NEURL1: variants seen among roughly 807,000 people sequenced by gnomAD.
The protein encoded by NEURL1 is neuralized E3 ubiquitin protein ligase 1.
A neutral mutation model predicts 41.2 loss-of-function variants in NEURL1; 26 were observed. That is an observed-to-expected ratio of 0.63 (90% CI 0.46 to 0.87). The LOEUF (loss-of-function observed/expected upper bound fraction) is 0.87. Among genes scored for constraint, NEURL1 ranks in the 40% least tolerant of loss-of-function variants. The pLI is 0.00. For synonymous variants in NEURL1, 400 were observed against 402.3 expected (o/e 0.99, Z 0.07); for missense variants, 761 against 871.1 (o/e 0.87, Z 1.59).
intron 1 of NEURL1, among the ~76,000 whole-genome samples, chr10:103,518,233 TA>T (rs34821304): frequency 6.6e-6 from 1 of 151,244 alleles, no homozygotes; most frequent in Non-Finnish European, 1.5e-5. Context: ...TACCATGATT[TA>T]AAAAAAAAGT....
rs1228630032 is a variant in NEURL1 at position 103,583,705 on chromosome 10, CAAAAAAAAA to C, written c.650-812_650-804del. Among the ~76,000 whole-genome samples the C allele has an allele frequency of 2.6e-4, 5 of 19,560 alleles. 1 individual carries two copies. The East Asian group carries it at 6.1e-3, about 24-fold the overall frequency. 12.8% of individuals were successfully genotyped at this position (19,560 alleles called of 152,430 possible). On this transcript the variant is annotated intron_variant, in intron 3 of 5. Transcript: ENST00000369780. ...TGGGCCACAGAGCAAGATCCTGTCT[CAAAAAAAAA>C]AAAAAAAAAAAAAAAAAAGCCAAAC... is the stretch of plus-strand genomic sequence containing the variant.
rs568470360 is a variant in NEURL1 at position 103,499,140 on chromosome 10, C to T, written c.85+4668C>T. ...CTGGTTGTGACAGTTGTAGGAAGGC[C>T]GTCCCCCTCCAGCTCTGGCTGGGTG... On this transcript the variant is annotated intron_variant, in intron 1 of 5. Coordinates refer to ENST00000369780, the MANE Select transcript of NEURL1 (RefSeq NM_004210.5). Among the ~76,000 whole-genome samples, 323 of 152,300 alleles carry T rather than the reference C, an allele frequency of 2.1e-3. 1 individual carries two copies. Among genetic ancestry groups the T allele is most frequent in the Non-Finnish European group, 3.6e-3 (246 of 68,020 alleles).
In NEURL1 at chr10:103,501,488, GA is replaced by G. The variant is rs899994490; in HGVS notation, c.85+7025del. Among the ~76,000 whole-genome samples the G allele has an allele frequency of 4.8e-4, 72 of 148,518 alleles. No homozygotes were observed. In the East Asian group the frequency reaches 0.013, roughly 27 times the overall value. ...CAGCAGGACCACTGCTCATAGGCAG[GA>G]AAAAAAAACAACAAAAACCAGCAAT... On this transcript the variant is annotated intron_variant, in intron 1 of 5. Coordinates refer to ENST00000369780, the MANE Select transcript of NEURL1 (RefSeq NM_004210.5).
At chr10:103,519,968 A>G (rs1001551921) in intron 1 of NEURL1, among the ~76,000 whole-genome samples, 3 of 151,836 alleles carry the variant, frequency 2.0e-5, no homozygotes, top group African/African-American at 7.3e-5. Context: ...AATTTTTTTT[A>G]GAGATGGGTC....
chr10:103,536,938 C>T (rs2034705825), intron 1 of NEURL1, among the ~76,000 whole-genome samples: 1 of 152,156 alleles, frequency 6.6e-6, no homozygotes, highest in Non-Finnish European at 1.5e-5. Flanking sequence ...TGCCCTCAAC[C>T]CCAGGCAAGC....
chr10:103,568,382 G>A (rs1031896155), intron 1 of NEURL1, among the ~76,000 whole-genome samples: 4 of 152,084 alleles, frequency 2.6e-5, no homozygotes, highest in Admixed American at 1.3e-4. Context: ...GTTACCCAGG[G>A]CCCCAGGACG....
Position 103,584,483 on chromosome 10 carries a change from C to T in NEURL1, c.650-53C>T, listed in dbSNP as rs1474309401. ...GTAGGGACCGGACAGCGGGGCGCGC[C>T]GGGGCCGCCTCCCGAGAGCCCTGCG... On this transcript the variant is annotated intron_variant, in intron 3 of 5. Transcript: ENST00000369780. The T allele has an allele frequency of 4.9e-6, 6 of 1,217,598 alleles. No homozygotes were observed. In the African/African-American group the frequency reaches 7.9e-5, roughly 16 times the overall value. 75.4% of individuals were successfully genotyped at this position (1,217,598 alleles called of 1,614,324 possible). A position where few individuals can be genotyped will look rare whatever the true frequency, so the allele number is the denominator to read the frequency against.
intron 3 of NEURL1, among the ~76,000 whole-genome samples, chr10:103,576,306 G>A (rs1346926388): frequency 1.4e-5 from 2 of 147,582 alleles, no homozygotes; most frequent in African/African-American, 4.8e-5. Context: ...GAACAATTTA[G>A]GTCAGACAGG....
Position 103,529,264 on chromosome 10 carries a change from A to C in NEURL1, c.85+34792A>C, listed in dbSNP as rs2034522913. Reference sequence around the variant, plus strand: ...CACCTTTTAAAATTGCCTTTGATGGATCTTTGTTCGATAAGGAATCATGGA... The same window carrying C: ...CACCTTTTAAAATTGCCTTTGATGGCTCTTTGTTCGATAAGGAATCATGGA... On this transcript the variant is annotated intron_variant, in intron 1 of 5. Transcript: ENST00000369780. Among the ~76,000 whole-genome samples, 3 of 152,140 alleles carry C rather than the reference A, an allele frequency of 2.0e-5. No individual in the cohort carries two copies. In the South Asian group the frequency reaches 6.2e-4, roughly 32 times the overall value.
intron 1 of NEURL1, among the ~76,000 whole-genome samples, chr10:103,498,833 T>C (rs2033753291): frequency 6.6e-6 from 1 of 152,254 alleles, no homozygotes; most frequent in Non-Finnish European, 1.5e-5. Context: ...CTTAGCATAA[T>C]CTTTTCAAGT....
At chr10:103,553,876 C>T (rs1280511978) in intron 1 of NEURL1, among the ~76,000 whole-genome samples, 1 of 152,222 alleles carries the variant, frequency 6.6e-6, no homozygotes, top group Non-Finnish European at 1.5e-5. Context: ...CAGGCCAGGG[C>T]CAGGGAGGAT....
chr10:103,578,231 C>G (rs1332215053), intron 3 of NEURL1, among the ~76,000 whole-genome samples: 1 of 152,162 alleles, frequency 6.6e-6, no homozygotes, highest in Non-Finnish European at 1.5e-5. Context: ...AAGGCATTTA[C>G]ACAAATGAGA....
intron 3 of NEURL1, 121 bp from the exon 4 acceptor site, chr10:103,584,415 A>C: frequency 1.9e-6 from 1 of 526,788 alleles, no homozygotes; most frequent in Non-Finnish European, 3.0e-6. Flanking sequence ...TGTCACAAGC[A>C]TCGTGTGCGC....
chr10:103,532,920 C>CTTTTTTTTTTT (rs144783148), intron 1 of NEURL1, among the ~76,000 whole-genome samples: 5 of 63,568 alleles, frequency 7.9e-5, no homozygotes, highest in Non-Finnish European at 1.1e-4. Flanking sequence ...TTCTCTTCTC[C>CTTTTTTTTTTT]TTTTTTTTTT....
At chr10:103,567,611 C>T (rs997403160) in intron 1 of NEURL1, among the ~76,000 whole-genome samples, 12 of 152,020 alleles carry the variant, frequency 7.9e-5, no homozygotes, top group Admixed American at 5.2e-4. Context: ...TTCCCCAAGC[C>T]GGTCTCCAAC....
intron 1 of NEURL1, among the ~76,000 whole-genome samples, chr10:103,537,802 A>G (rs1306763915): frequency 6.6e-6 from 1 of 152,188 alleles, no homozygotes; most frequent in East Asian, 1.9e-4. Context: ...ACATATGCAT[A>G]TACCTGTGAA....
At chr10:103,497,560 A>C (rs1024429025) in intron 1 of NEURL1, among the ~76,000 whole-genome samples, 5 of 152,208 alleles carry the variant, frequency 3.3e-5, no homozygotes, top group African/African-American at 1.2e-4. Context: ...TTAGGCTGAC[A>C]TGACATGGGA....
chr10:103,515,364 C>T (rs1187669919), intron 1 of NEURL1: 1 of 151,964 alleles, frequency 6.6e-6, no homozygotes, highest in African/African-American at 2.4e-5. Context: ...AGGAAACGCA[C>T]AGCTGGGACG....
intron 1 of NEURL1, among the ~76,000 whole-genome samples, chr10:103,526,381 T>C (rs1170249742): frequency 6.6e-6 from 1 of 152,220 alleles, no homozygotes; most frequent in Non-Finnish European, 1.5e-5. Context: ...TTTTCTTTGA[T>C]GGAAGACTTA....
Sources: allele counts gnomAD v4.1 joint callset (sites outside exome capture counted in the v4.1 genomes callset), GRCh38; gene constraint gnomAD v4.1.1; transcripts MANE v1.5; gene names NCBI Gene and HGNC (gene_info 2026-07-23, HGNC 2026-07-21).